The following TRPM3 variants were observed in gnomAD, a reference collection of about 807,000 sequenced individuals.
The protein encoded by TRPM3 is long transient receptor potential channel 3.
A neutral mutation model predicts 181.2 loss-of-function variants in TRPM3; 77 were observed. The ratio of observed to expected loss-of-function variants is 0.42; its 90% CI spans 0.35 to 0.51. TRPM3 has a LOEUF of 0.51. Among genes scored for constraint, TRPM3 ranks in the 20% least tolerant of loss-of-function variants. The pLI is 0.01. For synonymous variants in TRPM3, 745 were observed against 796.4 expected (o/e 0.94, Z 1.09); for missense variants, 1,759 against 2,196.7 (o/e 0.80, Z 3.98).
intron 1 of TRPM3, among the ~76,000 whole-genome samples, chr9:71,427,415 GTGATTC>G (rs1483075545): frequency 6.6e-6 from 1 of 152,042 alleles, no homozygotes; most frequent in East Asian, 1.9e-4. Flanking sequence ...AGCCCTCCAG[GTGATTC>G]TGATATATGC....
At chr9:70,814,121 T>C (rs2092442207) in intron 6 of TRPM3, among the ~76,000 whole-genome samples, 2 of 152,238 alleles carry the variant, frequency 1.3e-5, no homozygotes, top group Admixed American at 1.3e-4. Flanking sequence ...TTTTGAGTTC[T>C]TATTTTTGCC....
intron 1 of TRPM3, among the ~76,000 whole-genome samples, chr9:71,189,139 G>T (rs1437628933): frequency 6.6e-6 from 1 of 151,742 alleles, no homozygotes; most frequent in African/African-American, 2.4e-5. Context: ...GAATTTCTGG[G>T]ATAAAGATCA....
intron 1 of TRPM3, among the ~76,000 whole-genome samples, chr9:71,246,592 T>C (rs12344424): frequency 0.045 from 6,779 of 152,314 alleles, 176 homozygotes; most frequent in East Asian, 0.11. Context: ...CAGAATTGAA[T>C]TGGCCCTGTT....
intron 1 of TRPM3, among the ~76,000 whole-genome samples, chr9:70,895,624 T>A (rs1458781041): frequency 1.3e-5 from 2 of 152,162 alleles, no homozygotes; most frequent in Non-Finnish European, 2.9e-5. Flanking sequence ...TTTATACAAT[T>A]ACCTAGTTGG....
chr9:70,764,339 C>G lies in TRPM3; in HGVS notation c.1149-2615G>C, dbSNP rs148023788. Among the ~76,000 whole-genome samples the G allele has an allele frequency of 2.0e-4, 31 of 152,278 alleles. No homozygotes were observed. In the East Asian group the frequency reaches 5.8e-3, roughly 28 times the overall value. ...CATGATTAACAACAGAAAGGATTCT[C>G]CTGATTAGCCACTTGATAGATGTAA... On this transcript the variant is annotated intron_variant, in intron 7 of 25. Coordinates refer to ENST00000677713, the MANE Select transcript of TRPM3 (RefSeq NM_001366145.2).
intron 8 of TRPM3, among the ~76,000 whole-genome samples, chr9:70,688,153 C>A (rs1395211725): frequency 2.0e-5 from 3 of 152,082 alleles, no homozygotes; most frequent in Non-Finnish European, 4.4e-5. Flanking sequence ...AGTCTCTGTG[C>A]AGCTGTTCAG....
At chr9:71,242,856 C>G (rs1423246561) in intron 1 of TRPM3, among the ~76,000 whole-genome samples, 1 of 151,994 alleles carries the variant, frequency 6.6e-6, no homozygotes, top group African/African-American at 2.4e-5. Context: ...TACAACCTTC[C>G]AAGGACTCCC....
At chr9:70,575,768 G>C (rs2053771171) in intron 22 of TRPM3, among the ~76,000 whole-genome samples, 1 of 152,178 alleles carries the variant, frequency 6.6e-6, no homozygotes, top group Non-Finnish European at 1.5e-5. Context: ...AGGGTTAGTA[G>C]AGATGACAGA....
chr9:70,784,848 A>G (rs1171023523), intron 6 of TRPM3, among the ~76,000 whole-genome samples: 2 of 152,110 alleles, frequency 1.3e-5, no homozygotes, highest in African/African-American at 2.4e-5. Flanking sequence ...TTGACCATAG[A>G]TGATCAGACT....
rs541527387 is a variant in TRPM3, at chr9:70,686,825, C to CTT, written c.1273-5249_1273-5248dup. Among the ~76,000 whole-genome samples the CTT allele has an allele frequency of 1.7e-3, 124 of 74,998 alleles. 12 individuals carry two copies. Among genetic ancestry groups the CTT allele is most frequent in the African/African-American group, 1.9e-3 (33 of 17,586 alleles). 49.2% of individuals were successfully genotyped at this position (74,998 alleles called of 152,430 possible). ...TCCCTCTTTCTTTTCTTTTCTTTTT[C>CTT]TTTTTTTTTTTCTTTTTTGAGACAG... is the stretch of plus-strand genomic sequence containing the variant. On this transcript the variant is annotated intron_variant, in intron 8 of 25. Coordinates refer to ENST00000677713, the MANE Select transcript of TRPM3 (RefSeq NM_001366145.2).
chr9:70,921,942 A>ACACACACAC lies in TRPM3; in HGVS notation c.178-57432_178-57431insGTGTGTGTG, dbSNP rs1554770509. Among the ~76,000 whole-genome samples, 884 of 139,470 alleles carry ACACACACAC rather than the reference A, an allele frequency of 6.3e-3. 8 individuals carry two copies. Among genetic ancestry groups the ACACACACAC allele is most frequent in the African/African-American group, 0.019 (681 of 36,718 alleles). The allele number at this position is 139,470 out of a possible 152,430, so 91.5% of individuals were successfully genotyped here. A position where few individuals can be genotyped will look rare whatever the true frequency, so the allele number is the denominator to read the frequency against. ...ATACACACACACACACACACAAACA[A>ACACACACAC]ACACACACACACACACACACACACA... On this transcript the variant is annotated intron_variant, in intron 1 of 25. Coordinates refer to ENST00000677713, the MANE Select transcript of TRPM3 (RefSeq NM_001366145.2).
intron 8 of TRPM3, among the ~76,000 whole-genome samples, chr9:70,684,909 C>T (rs1276279466): frequency 6.6e-6 from 1 of 152,162 alleles, no homozygotes; most frequent in African/African-American, 2.4e-5. Context: ...ACGTTTTCCC[C>T]TTCATGTTGC....
At chr9:70,673,259 C>T (rs947886329) in intron 9 of TRPM3, among the ~76,000 whole-genome samples, 6 of 142,132 alleles carry the variant, frequency 4.2e-5, no homozygotes, top group Non-Finnish European at 7.6e-5. Context: ...GGGTTCCATC[C>T]TGGACTCCAA....
At chr9:70,941,830 G>A (rs2096888859) in intron 1 of TRPM3, among the ~76,000 whole-genome samples, 1 of 152,050 alleles carries the variant, frequency 6.6e-6, no homozygotes, top group South Asian at 2.1e-4. Context: ...AAACTTATTG[G>A]ACTCTTTGGA....
In TRPM3 at chr9:71,032,014, A is replaced by AG. The variant is rs1302127926; in HGVS notation, c.177+89163_177+89164insC. ...ATATATATATAATTATATAATATAT[A>AG]ATATATATATATAATATAAATATAT... On this transcript the variant is annotated intron_variant, in intron 1 of 25. Transcript: ENST00000677713. Among the ~76,000 whole-genome samples the AG allele has an allele frequency of 2.8e-4, 15 of 53,272 alleles. 2 individuals are homozygous for AG. Among genetic ancestry groups the AG allele is most frequent in the South Asian group, 1.7e-3 (3 of 1,790 alleles). 34.9% of individuals were successfully genotyped at this position (53,272 alleles called of 152,430 possible). A position where few individuals can be genotyped will look rare whatever the true frequency, so the allele number is the denominator to read the frequency against.
In TRPM3 at chr9:70,812,193, A is replaced by G. The variant is rs1588696534; in HGVS notation, c.973+15654T>C. Among the ~76,000 whole-genome samples the G allele has an allele frequency of 2.0e-5, 3 of 152,310 alleles. No homozygotes were observed. In the South Asian group the frequency reaches 6.2e-4, roughly 32 times the overall value. ...GGAAGATCCCAAATCCTCAAGTTAG[A>G]TCTCTAGACCCTAGCTTCCTAGGAT... On this transcript the variant is annotated intron_variant, in intron 6 of 25. Coordinates refer to ENST00000677713, the MANE Select transcript of TRPM3 (RefSeq NM_001366145.2).
intron 1 of TRPM3, among the ~76,000 whole-genome samples, chr9:71,153,546 G>A (rs2075840682): frequency 6.6e-6 from 1 of 152,004 alleles, no homozygotes; most frequent in Non-Finnish European, 1.5e-5. Context: ...GCCTCCCAAA[G>A]TGCTGGGATT....
intron 1 of TRPM3, among the ~76,000 whole-genome samples, chr9:71,401,134 G>A (rs972031224): frequency 2.8e-5 from 4 of 143,434 alleles, no homozygotes; most frequent in Non-Finnish European, 6.0e-5. Context: ...GGAGACAGAG[G>A]TTGCAGTGAG....
At chr9:71,318,693 C>T (rs765363628) in intron 1 of TRPM3, among the ~76,000 whole-genome samples, 3 of 151,992 alleles carry the variant, frequency 2.0e-5, no homozygotes, top group Admixed American at 6.6e-5. Flanking sequence ...AATCACAGGA[C>T]GTTGAGAGTT....
Sources: allele counts gnomAD v4.1 joint callset (sites outside exome capture counted in the v4.1 genomes callset), GRCh38; gene constraint gnomAD v4.1.1; transcripts MANE v1.5; gene names NCBI Gene and HGNC (gene_info 2026-07-23, HGNC 2026-07-21).